DSTYK: variants seen among roughly 807,000 people sequenced by gnomAD.
DSTYK encodes the protein dual serine/threonine and tyrosine protein kinase, also known as RIP-homologous kinase.
A neutral mutation model predicts 98.7 loss-of-function variants in DSTYK; 34 were observed. The observed-to-expected ratio is 0.34, with a 90% CI of 0.26 to 0.46. DSTYK has a LOEUF of 0.46. Among genes scored for constraint, DSTYK ranks in the 20% least tolerant of loss-of-function variants. The probability of loss-of-function intolerance (pLI) is 1.00; values close to 1 mark genes in which losing one functional copy is unlikely to be tolerated. For synonymous variants in DSTYK, 462 were observed against 457.3 expected (o/e 1.01, Z -0.13); for missense variants, 962 against 1,181.7 (o/e 0.81, Z 2.73).
chr1:205,160,708 T>C (rs1657692155), intron 7 of DSTYK, among the ~76,000 whole-genome samples: 1 of 152,118 alleles, frequency 6.6e-6, no homozygotes. Flanking sequence ...AAAATTCTAG[T>C]GTCATTCTAA....
intron 1 of DSTYK, among the ~76,000 whole-genome samples, chr1:205,199,910 C>T (rs760202197): frequency 1.3e-5 from 2 of 152,174 alleles, no homozygotes; most frequent in Non-Finnish European, 2.9e-5. Flanking sequence ...GAAAGAAGCT[C>T]TAATAGTAAT....
chr1:205,199,128 G>T (rs1658953202), intron 1 of DSTYK, among the ~76,000 whole-genome samples: 1 of 152,062 alleles, frequency 6.6e-6, no homozygotes, highest in African/African-American at 2.4e-5. Flanking sequence ...CAAGTGAAAA[G>T]CAAAACAATC....
chr1:205,151,312 T>C (rs1427202283), intron 10 of DSTYK, among the ~76,000 whole-genome samples: 1 of 152,240 alleles, frequency 6.6e-6, no homozygotes, highest in Non-Finnish European at 1.5e-5. Flanking sequence ...ACTAAATTTA[T>C]TTTTAAAAGC....
At chr1:205,192,084 GGAAGA>G (rs1437082559) in intron 1 of DSTYK, among the ~76,000 whole-genome samples, 2 of 152,206 alleles carry the variant, frequency 1.3e-5, no homozygotes, top group South Asian at 4.2e-4. Flanking sequence ...CAAGCTAGAT[GGAAGA>G]GAAGAACAAC....
In DSTYK at chr1:205,160,221, T is replaced by A; in HGVS notation, c.1998A>T (p.Val666=). The A allele has an allele frequency of 6.2e-7, 1 of 1,614,162 alleles. No individual in the cohort carries two copies. The highest frequency in any genetic ancestry group is 8.5e-7 in the Non-Finnish European group (1 of 1,180,024). Residue 666 remains valine (V), a synonymous_variant, in exon 8 of 13, where the codon GTA becomes GTT. Coordinates refer to ENST00000367162, the MANE Select transcript of DSTYK (RefSeq NM_015375.3). ...GTCCTCCCCAGTTGTCACACAGGTA[T>A]ACCACACCATACTGGCCCCGGCCCA... ...QELGRGQYGV[V]YLCDNWGGHF...
In DSTYK at chr1:205,147,449, A is replaced by T; in HGVS notation, c.*109T>A. 1 of 1,240,146 alleles carries T rather than the reference A, an allele frequency of 8.1e-7. No individual in the cohort carries two copies. The allele number at this position is 1,240,146 out of a possible 1,614,324, so 76.8% of individuals were successfully genotyped here. On this transcript the variant is annotated 3_prime_UTR_variant, in exon 13 of 13. Transcript: ENST00000367162. ...GGTTCCAAGTTTCCCAGCAAGCACCAGTTCCCTTGGGAGTGTGTCCTATAG... is the reference window on the plus strand; with the variant it reads ...GGTTCCAAGTTTCCCAGCAAGCACCTGTTCCCTTGGGAGTGTGTCCTATAG...
chr1:205,153,478 A>G (rs1054408947), intron 10 of DSTYK, among the ~76,000 whole-genome samples: 23 of 152,206 alleles, frequency 1.5e-4, no homozygotes, highest in African/African-American at 5.6e-4. Context: ...AATATACTAT[A>G]TATTTCCTGG....
chr1:205,207,115 G>A (rs1160692193), intron 1 of DSTYK, among the ~76,000 whole-genome samples: 6 of 145,906 alleles, frequency 4.1e-5, no homozygotes, highest in Admixed American at 2.8e-4. Flanking sequence ...GTCTTGCTGC[G>A]ACACCCAGGC....
In DSTYK at chr1:205,144,572, A is replaced by G. The variant is rs548204337; in HGVS notation, c.*2986T>C. The G allele has an allele frequency of 3.3e-5, 5 of 152,784 alleles. No individual in the cohort carries two copies. The South Asian group carries it at 1.0e-3, about 32-fold the overall frequency. The allele number at this position is 152,784 out of a possible 1,614,324, so 9.5% of individuals were successfully genotyped here. ...GCTGACAATGTTATAAAACAAAAGC[A>G]AAGTATACACACTCTATACACACGT... On this transcript the variant is annotated 3_prime_UTR_variant, in exon 13 of 13. Transcript: ENST00000367162.
chr1:205,158,123 G>A (rs1308550244), intron 9 of DSTYK, among the ~76,000 whole-genome samples: 1 of 152,140 alleles, frequency 6.6e-6, no homozygotes, highest in African/African-American at 2.4e-5. Context: ...CCTGAATACT[G>A]GAAAATGTCA....
At chr1:205,182,414 C>CCAAAACAAAA (rs1348941653) in intron 2 of DSTYK, among the ~76,000 whole-genome samples, 33 of 145,152 alleles carry the variant, frequency 2.3e-4, no homozygotes, top group African/African-American at 8.3e-4. Flanking sequence ...CCAAAACAAA[C>CCAAAACAAAA]CAAAACAAAA....
chr1:205,174,691 ATTAC>A (rs1048506726), intron 2 of DSTYK, among the ~76,000 whole-genome samples: 11 of 151,144 alleles, frequency 7.3e-5, no homozygotes, highest in Admixed American at 2.0e-4. Context: ...CAAAAAAAAA[ATTAC>A]TTAATTAATT....
At chr1:205,160,511 G>C (rs1657686365) in intron 7 of DSTYK, among the ~76,000 whole-genome samples, 1 of 151,858 alleles carries the variant, frequency 6.6e-6, no homozygotes, top group East Asian at 1.9e-4. Flanking sequence ...AATTTTTACA[G>C]TTTTATTAGA....
At chr1:205,170,815 A>G (rs973425208) in intron 2 of DSTYK, among the ~76,000 whole-genome samples, 7 of 152,094 alleles carry the variant, frequency 4.6e-5, no homozygotes, top group African/African-American at 1.4e-4. Context: ...TCTACCAGGA[A>G]ATATGTCCTT....
At chr1:205,151,691 T>G (rs1449453085) in intron 10 of DSTYK, among the ~76,000 whole-genome samples, 17 of 92,918 alleles carry the variant, frequency 1.8e-4, no homozygotes, top group Non-Finnish European at 4.7e-4. Context: ...GTTATAGGCT[T>G]TCTTTTTTTT....
chr1:205,159,507 C>T lies in DSTYK; in HGVS notation c.2238+40G>A, dbSNP rs539016097. The T allele has an allele frequency of 1.0e-4, 158 of 1,585,370 alleles. 1 individual carries two copies. The highest frequency in any genetic ancestry group is 4.1e-5 in the Non-Finnish European group (48 of 1,165,242). On this transcript the variant is annotated intron_variant, in intron 9 of 12. Transcript: ENST00000367162. Reference sequence around the variant, plus strand: ...GAGGATGAGTGGCCAGAAAGGAACCCGTGGATTTGGCTGCCAGCTGGATCT... The same window carrying T: ...GAGGATGAGTGGCCAGAAAGGAACCTGTGGATTTGGCTGCCAGCTGGATCT...
At chr1:205,167,490 G>A (rs1454590341) in intron 3 of DSTYK, among the ~76,000 whole-genome samples, 1 of 152,218 alleles carries the variant, frequency 6.6e-6, no homozygotes, top group East Asian at 1.9e-4. Flanking sequence ...GGATTTGGAA[G>A]TTCACAGACA....
At chr1:205,160,328 C>A in intron 7 of DSTYK, 58 bp from the exon 8 acceptor site, 6 of 1,434,244 alleles carry the variant, frequency 4.2e-6, no homozygotes, top group Non-Finnish European at 5.7e-6. Context: ...TGGGCAACCT[C>A]TGTAAGATTC....
intron 1 of DSTYK, among the ~76,000 whole-genome samples, chr1:205,199,179 C>G (rs1213161695): frequency 6.6e-6 from 1 of 152,134 alleles, no homozygotes; most frequent in Non-Finnish European, 1.5e-5. Flanking sequence ...AGCACACCAC[C>G]TCAGGGAATG....
Sources: allele counts gnomAD v4.1 joint callset (sites outside exome capture counted in the v4.1 genomes callset), GRCh38; gene constraint gnomAD v4.1.1; transcripts MANE v1.5; gene names NCBI Gene and HGNC (gene_info 2026-07-23, HGNC 2026-07-21).